CA7: variants seen among roughly 807,000 people sequenced by gnomAD.
CA7 encodes carbonic anhydrase 7.
A neutral mutation model predicts 31.4 loss-of-function variants in CA7; 13 were observed. The ratio of observed to expected loss-of-function variants is 0.41; its 90% CI spans 0.27 to 0.66. The LOEUF (loss-of-function observed/expected upper bound fraction) is 0.66, where lower values mean the gene tolerates loss of function less well. CA7 is among the 30% of genes least tolerant of loss of function. The pLI, the probability that CA7 is intolerant of heterozygous loss-of-function variation, is 0.28. For synonymous variants in CA7, 128 were observed against 133.2 expected (o/e 0.96, Z 0.27); for missense variants, 215 against 351.0 (o/e 0.61, Z 3.10).
At chr16:66,844,806 C>T in intron 1 of CA7, 1 of 835,700 alleles carries the variant, frequency 1.2e-6, no homozygotes, top group Non-Finnish European at 1.6e-6. Context: ...TTGCCCAGCC[C>T]GCTCAGACCC....
intron 1 of CA7, among the ~76,000 whole-genome samples, chr16:66,845,609 A>G (rs1448752583): frequency 6.6e-6 from 1 of 152,110 alleles, no homozygotes; most frequent in East Asian, 1.9e-4. Context: ...AGACATTCAG[A>G]AAAAGATGAT....
At position 66,850,547 on chromosome 16, in the gene CA7, C is replaced by T. The variant is rs1275547315; in HGVS notation, c.245C>T (p.Thr82Ile). 1.2e-6 allele frequency: 2 copies of T among 1,607,268 alleles called. No homozygotes were observed. Among genetic ancestry groups the T allele is most frequent in the South Asian group, 1.1e-5 (1 of 90,956 alleles). The change falls in exon 3 of 7, where the codon ACT (threonine) becomes ATT (isoleucine). Residue 82 changes from threonine to isoleucine, a missense_variant. Thr to Ile is a moderately conservative substitution (Grantham distance 89). Transcript: ENST00000338437. The stretch of plus-strand genomic sequence containing the variant: ...GCCCCACTTCTACCCACAGTGGTGA[C>T]TGGGGGCCCCCTGGAAGGGCCCTAC... ...FNDSDDRTVV[T>I]GGPLEGPYRL...
Position 66,844,511 on chromosome 16 carries a change from C to T in CA7, c.24C>T (p.Gly8=). Residue 8 remains glycine, a synonymous_variant, in exon 1 of 7, where the codon GGC becomes GGT. Coordinates refer to ENST00000338437, the MANE Select transcript of CA7 (RefSeq NM_005182.3). ...GCATGACCGGCCACCACGGCTGGGG[C>T]TACGGCCAGGACGACGGTAGGCACA... MTGHHGW[G]YGQDDGPSHW... The T allele has an allele frequency of 6.5e-7, 1 of 1,543,650 alleles. No individual in the cohort carries two copies. The highest frequency in any genetic ancestry group is 8.7e-7 in the Non-Finnish European group (1 of 1,144,334).
chr16:66,851,314 T>C, intron 3 of CA7, 149 bp from the exon 4 acceptor site: 1 of 742,570 alleles, frequency 1.3e-6, no homozygotes, highest in Non-Finnish European at 2.4e-6. Flanking sequence ...GGGGCTCCCC[T>C]GGACCCCCCA....
In CA7 at chr16:66,853,237, G is replaced by A. The variant is rs985950393; in HGVS notation, c.673-139G>A. 11 of 1,025,264 alleles carry A rather than the reference G, an allele frequency of 1.1e-5. No homozygotes were observed. The East Asian group carries it at 2.7e-4, about 25-fold the overall frequency. 63.5% of individuals were successfully genotyped at this position (1,025,264 alleles called of 1,614,324 possible). On this transcript the variant is annotated intron_variant, in intron 6 of 6. Coordinates refer to ENST00000338437, the MANE Select transcript of CA7 (RefSeq NM_005182.3). The surrounding 1 kb of genome is among the most constrained non-coding windows in gnomAD (Gnocchi z 4.5). ...GGTCCTGCAGAGAAAAATGAGTGGG[G>A]AAGAGTAGGGACAGACCCTAAGGGA...
intron 5 of CA7, 78 bp from the exon 6 acceptor site, chr16:66,852,634 G>C (rs761501915): frequency 3.4e-5 from 32 of 943,444 alleles, no homozygotes; most frequent in Middle Eastern, 2.4e-4. Flanking sequence ...AAGAAAGAAA[G>C]AGATGGGTGG....
In CA7 at chr16:66,850,644, G is replaced by A; in HGVS notation, c.342G>A (p.Lys114=). The A allele has an allele frequency of 1.2e-6, 2 of 1,612,256 alleles. No homozygotes were observed. The highest frequency in any genetic ancestry group is 1.7e-5 in the Admixed American group (1 of 60,018). ...DVGSEHTVDG[K]SFPSELHLVH... is the part of the protein sequence containing the mutation. ...GTTCTGAGCACACGGTGGACGGCAAGTCCTTCCCCAGCGAGGTACGGGCCC... is the reference window on the plus strand; with the variant it reads ...GTTCTGAGCACACGGTGGACGGCAAATCCTTCCCCAGCGAGGTACGGGCCC... Residue 114 remains lysine (K), a synonymous_variant, in exon 3 of 7, where the codon AAG becomes AAA. Coordinates refer to ENST00000338437, the MANE Select transcript of CA7 (RefSeq NM_005182.3).
At chr16:66,844,847 C>T in intron 1 of CA7, 1 of 985,476 alleles carries the variant, frequency 1.0e-6, no homozygotes. Context: ...TCGCCCCGGG[C>T]GTGCGCAGCG....
At chr16:66,845,741 C>T (rs1960916620) in intron 1 of CA7, among the ~76,000 whole-genome samples, 1 of 152,206 alleles carries the variant, frequency 6.6e-6, no homozygotes. Context: ...GAGCCAGAGT[C>T]CCCTGCCTCC....
rs1311894842 is a variant in CA7, at chr16:66,847,067, G to A, written c.78G>A (p.Gln26=). The A allele has an allele frequency of 1.9e-6, 3 of 1,614,066 alleles. No individual in the cohort carries two copies. In the African/African-American group the frequency reaches 4.0e-5, roughly 22 times the overall value. The stretch of plus-strand genomic sequence containing the variant: ...GGCACAAGCTGTATCCCATTGCCCA[G>A]GGAGATCGCCAATCACCCATCAATA... ...SHWHKLYPIA[Q]GDRQSPINII... Residue 26 remains glutamine (Q), a synonymous_variant, in exon 2 of 7, where the codon CAG becomes CAA. Transcript: ENST00000338437.
In CA7 at chr16:66,851,693, T is replaced by C. The variant is rs1567507027; in HGVS notation, c.483T>C (p.Arg161=). Residue 161 remains arginine (R), a synonymous_variant, in exon 5 of 7, where the codon CGT becomes CGC. Coordinates refer to ENST00000338437, the MANE Select transcript of CA7 (RefSeq NM_005182.3). The part of the protein sequence containing the change: ...ETGDEHPSMN[R]LTDALYMVRF... The stretch of plus-strand genomic sequence containing the variant: ...GAGACGAGCACCCCAGCATGAATCG[T>C]CTGACAGATGCGCTCTACATGGTCC... 2 of 1,614,084 alleles carry C rather than the reference T, an allele frequency of 1.2e-6. No homozygotes were observed. Among genetic ancestry groups the C allele is most frequent in the Non-Finnish European group, 1.7e-6 (2 of 1,180,004 alleles).
intron 5 of CA7, 89 bp downstream of exon 5, chr16:66,851,815 G>T: frequency 8.5e-7 from 1 of 1,172,944 alleles, no homozygotes; most frequent in Non-Finnish European, 1.2e-6. Context: ...CCTTCATTCT[G>T]GGAGTAAACC....
Position 66,847,052 on chromosome 16 carries a change from G to GTA in CA7, c.65_66dup (p.Pro23IlefsTer49). On this transcript the variant is annotated frameshift_variant, in exon 2 of 7. Transcript: ENST00000338437. LOFTEE classifies it high-confidence loss of function. ...CAGGCCCCTCGCATTGGCACAAGCT[G>GTA]TATCCCATTGCCCAGGGAGATCGCC... 6.2e-7 allele frequency: 1 copy of GTA among 1,614,140 alleles called. No homozygotes were observed. The highest frequency in any genetic ancestry group is 8.5e-7 in the Non-Finnish European group (1 of 1,180,016).
At chr16:66,845,533 C>T (rs1238074424) in intron 1 of CA7, among the ~76,000 whole-genome samples, 2 of 152,012 alleles carry the variant, frequency 1.3e-5, no homozygotes, top group African/African-American at 4.8e-5. Flanking sequence ...CCCTCTGGGG[C>T]CCCAAGAACA....
chr16:66,848,364 G>C (rs1322283722), intron 2 of CA7, among the ~76,000 whole-genome samples: 2 of 152,180 alleles, frequency 1.3e-5, no homozygotes, highest in Non-Finnish European at 1.5e-5. Flanking sequence ...GACCCTAGAT[G>C]ATAGTTTGGC....
At chr16:66,846,960 A>T in intron 1 of CA7, 70 bp from the exon 2 acceptor site, 1 of 1,318,064 alleles carries the variant, frequency 7.6e-7, no homozygotes. Context: ...CCATTCCCCT[A>T]TGGGTGTCCT....
At chr16:66,845,235 G>A in intron 1 of CA7, 1 of 985,520 alleles carries the variant, frequency 1.0e-6, no homozygotes, top group Non-Finnish European at 1.2e-6. Context: ...GAGGCAGAAG[G>A]TGAGAGCCAG....
At chr16:66,847,316 G>A in intron 2 of CA7, 89 bp downstream of exon 2, 1 of 1,193,136 alleles carries the variant, frequency 8.4e-7, no homozygotes, top group South Asian at 1.3e-5. Flanking sequence ...AGCATGCTAT[G>A]GTGGGTAAGA....
rs1961107335 is a variant in CA7, at chr16:66,853,343, A to G, written c.673-33A>G. The G allele has an allele frequency of 6.2e-7, 1 of 1,613,606 alleles. No individual in the cohort carries two copies. Among genetic ancestry groups the G allele is most frequent in the African/African-American group, 1.3e-5 (1 of 74,998 alleles). ...GTCATAGAGGACCACAGCACCCCCA[A>G]TCTGCCCTGAGCATTCCTTCTGCTT... On this transcript the variant is annotated intron_variant, in intron 6 of 6. Coordinates refer to ENST00000338437, the MANE Select transcript of CA7 (RefSeq NM_005182.3). This position sits in a 1 kb window ranked among gnomAD's most constrained non-coding sequence, Gnocchi z 4.5.
Sources: allele counts gnomAD v4.1 joint callset (sites outside exome capture counted in the v4.1 genomes callset), GRCh38; gene constraint gnomAD v4.1.1; non-coding constraint Gnocchi (gnomAD v3.1); transcripts MANE v1.5; gene names NCBI Gene and HGNC (gene_info 2026-07-23, HGNC 2026-07-21).